The following BANP variants were observed in gnomAD, a reference collection of about 807,000 sequenced individuals.
The protein encoded by BANP is BTG3 associated nuclear protein.
A neutral mutation model predicts 68.1 loss-of-function variants in BANP; 11 were observed. The observed-to-expected ratio is 0.16, with a 90% confidence interval of 0.10 to 0.27. The LOEUF is 0.27. Ranked by LOEUF, BANP falls within the 10% of genes least tolerant of loss-of-function variation. The pLI is 1.00. For synonymous variants in BANP, 329 were observed against 303.2 expected, an observed-to-expected ratio of 1.09 and a Z score of -0.88; for missense variants, 504 against 722.7, an observed-to-expected ratio of 0.70 and a Z score of 3.47.
chr16:88,008,681 G>A (rs1869959534), intron 6 of BANP, among the ~76,000 whole-genome samples: 1 of 152,172 alleles, frequency 6.6e-6, no homozygotes. Context: ...CTGAGTTTAA[G>A]TTTTTTTGAT....
rs1277493765 is a variant in BANP at position 88,036,159 on chromosome 16, A to T, written c.1272+765A>T. On this transcript the variant is annotated intron_variant, in intron 10 of 13. Transcript: ENST00000682872. This position sits in a 1 kb window ranked among gnomAD's most constrained non-coding sequence, Gnocchi z 4.2. ...AGGCACAGGGCACTAAGCAGCACAC[A>T]CGTGTTGTACTCAGTGACCGTGGTG... is the stretch of plus-strand genomic sequence containing the variant. 5.3e-5 allele frequency among the ~76,000 whole-genome samples: 8 copies of T among 152,162 alleles called. No individual in the cohort carries two copies. Among genetic ancestry groups the T allele is most frequent in the Non-Finnish European group, 8.8e-5 (6 of 68,006 alleles).
intron 11 of BANP, among the ~76,000 whole-genome samples, chr16:88,049,733 C>CG (rs1567871554): frequency 6.6e-6 from 1 of 152,096 alleles, no homozygotes; most frequent in African/African-American, 2.4e-5. Context: ...GGTGGAGTCA[C>CG]GGGGGAGATG....
intron 1 of BANP, among the ~76,000 whole-genome samples, chr16:87,955,706 T>A (rs575791191): frequency 6.6e-6 from 1 of 152,088 alleles, no homozygotes; most frequent in South Asian, 2.1e-4. Context: ...AATAAAACTG[T>A]AGCCTCTCGG....
chr16:88,025,573 TTC>T (rs1380830919), intron 7 of BANP, among the ~76,000 whole-genome samples: 1 of 152,210 alleles, frequency 6.6e-6, no homozygotes. Flanking sequence ...CCTGACTGGT[TTC>T]TTTTTGTCTG....
chr16:88,010,861 G>A (rs1056969456), intron 6 of BANP, among the ~76,000 whole-genome samples: 1 of 151,386 alleles, frequency 6.6e-6, no homozygotes, highest in African/African-American at 2.4e-5. Flanking sequence ...ATGCTGTGCC[G>A]ATTCACACAC....
chr16:88,042,958 T>C (rs9940335), intron 11 of BANP, among the ~76,000 whole-genome samples: 71,899 of 152,140 alleles, frequency 0.47, 20,115 homozygotes, highest in Non-Finnish European at 0.65. Context: ...TTCAAAAAAT[T>C]AAAATACTTA....
chr16:87,995,862 G>A (rs2067051626), intron 4 of BANP, among the ~76,000 whole-genome samples: 1 of 152,256 alleles, frequency 6.6e-6, no homozygotes, highest in Non-Finnish European at 1.5e-5. Flanking sequence ...CCTTGTTCAT[G>A]CCGTGAGCTG....
At chr16:87,998,766 A>T (rs1214725195) in intron 4 of BANP, among the ~76,000 whole-genome samples, 9 of 145,914 alleles carry the variant, frequency 6.2e-5, no homozygotes, top group Non-Finnish European at 1.2e-4. Flanking sequence ...ACACCCAGAC[A>T]CGTCTCCATG....
chr16:87,967,480 G>A (rs185170675), intron 1 of BANP, among the ~76,000 whole-genome samples: 4 of 151,560 alleles, frequency 2.6e-5, no homozygotes, highest in Admixed American at 6.6e-5. Context: ...TTTTTGAGAC[G>A]GATCTCGCTC....
chr16:88,027,375 G>C (rs2077205647), intron 7 of BANP, 108 bp from the exon 8 acceptor site: 2 of 1,247,228 alleles, frequency 1.6e-6, no homozygotes, highest in South Asian at 2.7e-5. Flanking sequence ...TGGCGGGCTG[G>C]GGTGCCTGGG....
chr16:88,035,318 T>G lies in BANP; in HGVS notation c.1201-5T>G. On this transcript the variant is annotated splice_region_variant and splice_polypyrimidine_tract_variant and intron_variant, in intron 9 of 13. Coordinates refer to ENST00000682872, the MANE Select transcript of BANP (RefSeq NM_001386991.1). ...GATGCTTCTTGGTGTCTTTTCTTGC[T>G]GCGGATCCCACAGGGACACCTCCAC... 1 of 1,607,210 alleles carries G rather than the reference T, an allele frequency of 6.2e-7. No individual in the cohort carries two copies. Among genetic ancestry groups the G allele is most frequent in the East Asian group, 2.2e-5 (1 of 44,662 alleles).
At chr16:87,986,761 G>A (rs2064541755) in intron 4 of BANP, among the ~76,000 whole-genome samples, 1 of 152,170 alleles carries the variant, frequency 6.6e-6, no homozygotes, top group Admixed American at 6.5e-5. Flanking sequence ...GTGGTTGTCT[G>A]TCTACTTGTC....
At chr16:88,055,167 C>T (rs1000994043) in intron 11 of BANP, among the ~76,000 whole-genome samples, 2 of 150,916 alleles carry the variant, frequency 1.3e-5, no homozygotes, top group Non-Finnish European at 2.9e-5. Context: ...CTAAGATGTG[C>T]ACGAACAAAG....
At chr16:88,035,734 G>A (rs963698852) in intron 10 of BANP, among the ~76,000 whole-genome samples, 7 of 152,212 alleles carry the variant, frequency 4.6e-5, no homozygotes, top group Non-Finnish European at 8.8e-5. Flanking sequence ...CAGTGTGGCC[G>A]AGATGGGGTC....
Position 88,071,972 on chromosome 16 carries a change from C to T in BANP, c.1378-97C>T, listed in dbSNP as rs538382237. 96 of 1,487,108 alleles carry T rather than the reference C, an allele frequency of 6.5e-5. No individual in the cohort carries two copies. The African/African-American group carries it at 1.1e-3, about 17-fold the overall frequency. 92.1% of individuals were successfully genotyped at this position (1,487,108 alleles called of 1,614,324 possible). On this transcript the variant is annotated intron_variant, in intron 12 of 13. Transcript: ENST00000682872. The surrounding 1 kb of genome is among the most constrained non-coding windows in gnomAD (Gnocchi z 6.5). ...TGTCCCTGCCGCTCAGGGGACAGCACGTGTGGGCTGGGGTCTGCGGTCTGT... is the reference window on the plus strand; with the variant it reads ...TGTCCCTGCCGCTCAGGGGACAGCATGTGTGGGCTGGGGTCTGCGGTCTGT...
chr16:87,962,946 A>AT (rs1485328079), intron 1 of BANP, among the ~76,000 whole-genome samples: 1 of 152,252 alleles, frequency 6.6e-6, no homozygotes, highest in East Asian at 1.9e-4. Flanking sequence ...TGCCTTTCTC[A>AT]TTATTTCTTC....
Position 87,981,119 on chromosome 16 carries a change from TCTA to T in BANP, c.155_157del (p.Ser52_Ile53delinsLeu), listed in dbSNP as rs1203434367. The T allele has an allele frequency of 6.2e-7, 1 of 1,613,546 alleles. No homozygotes were observed. The highest frequency in any genetic ancestry group is 1.7e-5 in the Admixed American group (1 of 60,004). On this transcript the variant is annotated inframe_deletion, in exon 3 of 14. Transcript: ENST00000682872. ...ACTAGAAATCAATTGCCAGGATCCATCTATAAAGGTAAAAATCTGACTCTGTTC... is the reference window on the plus strand; with the variant it reads ...ACTAGAAATCAATTGCCAGGATCCATTAAAGGTAAAAATCTGACTCTGTTC...
At chr16:87,984,394 C>T (rs2063880444) in intron 4 of BANP, 135 bp downstream of exon 4, 12 of 1,054,142 alleles carry the variant, frequency 1.1e-5, no homozygotes. Context: ...TCAGCAGTTT[C>T]TAACTAAAGC....
At position 88,033,252 on chromosome 16, in the gene BANP, A is replaced by G. The variant is rs1439239640; in HGVS notation, c.1200+7A>G. 1.3e-6 allele frequency: 2 copies of G among 1,571,194 alleles called. No homozygotes were observed. Among genetic ancestry groups the G allele is most frequent in the Non-Finnish European group, 1.7e-6 (2 of 1,151,970 alleles). ...AGACGGACAGGTGCAAGTAGTACGT[A>G]CCCTCTCCACCTCACACCTTGGGAA... is the stretch of plus-strand genomic sequence containing the variant. On this transcript the variant is annotated splice_region_variant and intron_variant, in intron 9 of 13. Transcript: ENST00000682872.
Sources: gnomAD v4.1 joint callset for allele counts (sites outside exome capture counted in the v4.1 genomes callset) on GRCh38, gnomAD v4.1.1 for gene constraint, Gnocchi (gnomAD v3.1) non-coding constraint, MANE v1.5 for transcripts, NCBI Gene and HGNC (gene_info 2026-07-23, HGNC 2026-07-21) for gene names.